The following ANKFN1 variants were observed in gnomAD, a reference collection of about 807,000 sequenced individuals.
ANKFN1 encodes ankyrin repeat and fibronectin type III domain containing 1, also known as ankyrin repeat and fibronectin type-III domain-containing protein 1.
Under a neutral mutation model 108.7 loss-of-function variants are expected in ANKFN1, and 74 were observed. The observed-to-expected ratio is 0.68, with a 90% CI of 0.56 to 0.83. ANKFN1 has a LOEUF of 0.83. Ranked by LOEUF, ANKFN1 falls within the 40% of genes least tolerant of loss-of-function variation. The pLI is 0.00. For synonymous variants in ANKFN1, 547 were observed against 516.2 expected (o/e 1.06, Z -0.81); for missense variants, 1,505 against 1,382.3 (o/e 1.09, Z -1.41).
chr17:56,315,977 GTTC>G (rs1296689094), intron 3 of ANKFN1, among the ~76,000 whole-genome samples: 2 of 152,152 alleles, frequency 1.3e-5, no homozygotes, highest in African/African-American at 4.8e-5. Flanking sequence ...TTCCTCCTCT[GTTC>G]TTCTTTCTTC....
At chr17:56,056,550 G>A (rs902514480) in intron 4 of ANKFN1, among the ~76,000 whole-genome samples, 2 of 152,096 alleles carry the variant, frequency 1.3e-5, no homozygotes, top group African/African-American at 4.8e-5. Context: ...CTTTGACAAA[G>A]CTGACAAAAA....
intron 4 of ANKFN1, among the ~76,000 whole-genome samples, chr17:56,144,380 T>C (rs1908128349): frequency 1.3e-5 from 2 of 152,124 alleles, no homozygotes; most frequent in Admixed American, 6.5e-5. Context: ...TCTAGAACTA[T>C]TGGGTGATGG....
At chr17:56,262,121 A>G (rs924245203) in intron 3 of ANKFN1, among the ~76,000 whole-genome samples, 3 of 152,172 alleles carry the variant, frequency 2.0e-5, no homozygotes, top group African/African-American at 7.2e-5. Context: ...TCTTTCCCAA[A>G]TACTAGGCAG....
intron 18 of ANKFN1, 30 bp from the exon 19 acceptor site, chr17:56,492,157 C>G (rs750697803): frequency 4.4e-6 from 3 of 686,246 alleles, no homozygotes; most frequent in Non-Finnish European, 8.1e-6. Flanking sequence ...CAGATCTTAA[C>G]ATGTTTTATT....
At chr17:56,289,829 G>T (rs2144300254) in intron 3 of ANKFN1, among the ~76,000 whole-genome samples, 1 of 152,350 alleles carries the variant, frequency 6.6e-6, no homozygotes, top group Non-Finnish European at 1.5e-5. Context: ...CTAATATGGA[G>T]TAACTGTTTC....
chr17:56,207,966 C>T (rs966914050), intron 1 of ANKFN1, among the ~76,000 whole-genome samples: 6 of 152,144 alleles, frequency 3.9e-5, no homozygotes, highest in African/African-American at 1.4e-4. Flanking sequence ...TCCATCTGGA[C>T]CCAAATATTG....
At chr17:56,117,527 CT>C (rs1906355277) in intron 4 of ANKFN1, among the ~76,000 whole-genome samples, 1 of 152,122 alleles carries the variant, frequency 6.6e-6, no homozygotes, top group Non-Finnish European at 1.5e-5. Context: ...GAAGTTTTTA[CT>C]GAGTAAGAAA....
At position 56,350,948 on chromosome 17, in the gene ANKFN1, GT is replaced by G; in HGVS notation, c.372del (p.Leu125SerfsTer6). The G allele has an allele frequency of 6.2e-7, 1 of 1,613,614 alleles. No individual in the cohort carries two copies. Among genetic ancestry groups the G allele is most frequent in the Non-Finnish European group, 8.5e-7 (1 of 1,179,796 alleles). On this transcript the variant is annotated frameshift_variant, in exon 5 of 21. Transcript: ENST00000682825. LOFTEE classifies it high-confidence loss of function. Reference protein sequence around the residue: ...AYFRTRTDRLSLRKTSVNFQG... With the variant: ...AYFRTRTDRLXLRKTSVNFQG... ...TTTAGGACAAGAACTGATCGGCTGA[GT>G]CTCAGGAAGACCTCGGTGGTAACAA...
At chr17:56,188,579 G>GTA (rs1220822008) in intron 1 of ANKFN1, among the ~76,000 whole-genome samples, 267 of 71,352 alleles carry the variant, frequency 3.7e-3, no homozygotes, top group African/African-American at 0.018. Flanking sequence ...GTGTGTGTGT[G>GTA]TGTATATATA....
At chr17:56,358,964 C>T (rs912486851) in intron 6 of ANKFN1, among the ~76,000 whole-genome samples, 2 of 152,122 alleles carry the variant, frequency 1.3e-5, no homozygotes, top group East Asian at 1.9e-4. Context: ...GCTGAATCAT[C>T]GATGGGAGTC....
Position 56,088,656 on chromosome 17 carries a change from A to G in ANKFN1, c.288+42331A>G, listed in dbSNP as rs764208743. On this transcript the variant is annotated intron_variant, in intron 4 of 12. Transcript: ENST00000635860. ...CTCTGGGGCATGACTCCCTCCACCT[A>G]TCTTCCTCCTGTTCTCCTTTCTCCT... Among the ~76,000 whole-genome samples the G allele has an allele frequency of 4.5e-4, 67 of 150,478 alleles. 2 individuals are homozygous for G. Among genetic ancestry groups the G allele is most frequent in the Non-Finnish European group, 8.3e-4 (56 of 67,408 alleles).
At chr17:56,061,233 A>AGCAT (rs1438018840) in intron 4 of ANKFN1, among the ~76,000 whole-genome samples, 1 of 142,842 alleles carries the variant, frequency 7.0e-6, no homozygotes, top group Non-Finnish European at 1.5e-5. Flanking sequence ...AGGTATGTAT[A>AGCAT]GCATTCTCTG....
rs373124688 is a variant in ANKFN1, at chr17:56,054,992, C to T, written c.288+8667C>T. On this transcript the variant is annotated intron_variant, in intron 4 of 12. Coordinates refer to the ANKFN1 transcript ENST00000635860. ...AGGGAGTCATAACATTTTTGTTCAT[C>T]GTTGATGGCTGCTGACTGATCAGGG... Among the ~76,000 whole-genome samples, 5 of 151,720 alleles carry T rather than the reference C, an allele frequency of 3.3e-5. No individual in the cohort carries two copies. The East Asian group carries it at 7.7e-4, about 24-fold the overall frequency.
intron 4 of ANKFN1, among the ~76,000 whole-genome samples, chr17:56,095,933 G>A (rs189603767): frequency 2.4e-3 from 368 of 152,276 alleles, no homozygotes; most frequent in Non-Finnish European, 4.0e-3. Context: ...AAGAACGTGG[G>A]CTCTTTGGAA....
intron 8 of ANKFN1, among the ~76,000 whole-genome samples, chr17:56,425,160 A>G (rs1445009905): frequency 1.3e-5 from 2 of 151,560 alleles, no homozygotes; most frequent in East Asian, 3.9e-4. Context: ...GAACTCCAGT[A>G]TTCAGCATTC....
chr17:56,394,306 T>C (rs993404883), intron 8 of ANKFN1, among the ~76,000 whole-genome samples: 1 of 152,206 alleles, frequency 6.6e-6, no homozygotes, highest in African/African-American at 2.4e-5. Flanking sequence ...CACTTGCCAC[T>C]GGAAAGTTTC....
intron 8 of ANKFN1, among the ~76,000 whole-genome samples, chr17:56,433,392 A>G (rs2048823813): frequency 6.6e-6 from 1 of 152,080 alleles, no homozygotes; most frequent in African/African-American, 2.4e-5. Context: ...TTAGAAGAAT[A>G]TTTCCTCAAT....
rs150818903 is a variant in ANKFN1, at chr17:56,047,683, A to G, written c.288+1358A>G. Among the ~76,000 whole-genome samples, 137 of 152,278 alleles carry G rather than the reference A, an allele frequency of 9.0e-4. 1 individual carries two copies. The South Asian group carries it at 0.012, about 14-fold the overall frequency. ...CACGCTTCCCCTCCCTGCCCCCACC[A>G]TGACACATGGGGGTAAACGGAGAAA... On this transcript the variant is annotated intron_variant, in intron 4 of 12. Transcript: ENST00000635860.
At chr17:56,402,805 T>TCTTTTAG (rs2047801522) in intron 8 of ANKFN1, among the ~76,000 whole-genome samples, 1 of 152,136 alleles carries the variant, frequency 6.6e-6, no homozygotes, top group African/African-American at 2.4e-5. Context: ...AGAATGTCAG[T>TCTTTTAG]TCGTGCTCTT....
Sources: gnomAD v4.1 joint callset for allele counts (sites outside exome capture counted in the v4.1 genomes callset) on GRCh38, gnomAD v4.1.1 for gene constraint, MANE v1.5 for transcripts, NCBI Gene and HGNC (gene_info 2026-07-23, HGNC 2026-07-21) for gene names.